The following COPZ1 variants were observed in gnomAD, a reference collection of about 807,000 sequenced individuals.
COPZ1 encodes coatomer subunit zeta-1.
In COPZ1, 4 loss-of-function variants were observed where a neutral mutation model predicts 31.7. The observed-to-expected ratio is 0.13, with a 90% CI of 0.06 to 0.29. The LOEUF (loss-of-function observed/expected upper bound fraction) is 0.29. Among genes scored for constraint, COPZ1 ranks in the 10% least tolerant of loss-of-function variants. The probability of loss-of-function intolerance (pLI) is 1.00; values close to 1 mark genes in which losing one functional copy is unlikely to be tolerated. For synonymous variants in COPZ1, 74 were observed against 79.0 expected (o/e 0.94, Z 0.33); for missense variants, 156 against 211.5 (o/e 0.74, Z 1.63).
At chr12:54,340,641 A>G in intron 2 of COPZ1, 26 bp downstream of exon 2, 1 of 1,610,030 alleles carries the variant, frequency 6.2e-7, no homozygotes, top group South Asian at 1.1e-5. Flanking sequence ...GAATTAGTTT[A>G]GGAACAGCAC....
In COPZ1 at chr12:54,326,235, G is replaced by A. The variant is rs557055686; in HGVS notation, c.18+1054G>A. Among the ~76,000 whole-genome samples the A allele has an allele frequency of 5.5e-3, 832 of 150,078 alleles. 9 individuals are homozygous for A. Among genetic ancestry groups the A allele is most frequent in the Non-Finnish European group, 6.9e-3 (466 of 67,724 alleles). On this transcript the variant is annotated intron_variant, in intron 1 of 8. Transcript: ENST00000262061. ...GCTCACTGCAAGCTCCGCCTCCCGG[G>A]TTCACGCCATTCTTCTGCCTCAGCC...
chr12:54,328,299 C>T (rs1241570739), intron 1 of COPZ1, among the ~76,000 whole-genome samples: 4 of 146,302 alleles, frequency 2.7e-5, no homozygotes, highest in East Asian at 2.0e-4. Flanking sequence ...AGGCCGGGCA[C>T]GGTGGCTCAC....
chr12:54,334,293 C>T (rs1455312761), intron 1 of COPZ1, among the ~76,000 whole-genome samples: 3 of 151,628 alleles, frequency 2.0e-5, no homozygotes, highest in East Asian at 1.9e-4. Context: ...TGGTGGGAAG[C>T]GCCTGTAATC....
chr12:54,345,626 G>A, intron 5 of COPZ1, 111 bp downstream of exon 5: 1 of 870,254 alleles, frequency 1.1e-6, no homozygotes, highest in East Asian at 2.6e-5. Context: ...GGGATTGTAG[G>A]GGATTGGCAA....
chr12:54,329,366 C>T (rs373571750), intron 1 of COPZ1, among the ~76,000 whole-genome samples: 3 of 152,036 alleles, frequency 2.0e-5, no homozygotes, highest in African/African-American at 7.3e-5. Flanking sequence ...AGTGGATCAC[C>T]TGAGGTCAGG....
intron 4 of COPZ1, chr12:54,344,586 AAAC>A (rs999826703): frequency 8.6e-5 from 13 of 151,848 alleles, no homozygotes; most frequent in East Asian, 2.0e-4. Context: ...TCAAACAAAC[AAAC>A]AACAACAACA....
At chr12:54,327,296 GTT>G (rs79015590) in intron 1 of COPZ1, among the ~76,000 whole-genome samples, 9 of 118,646 alleles carry the variant, frequency 7.6e-5, no homozygotes, top group Admixed American at 8.8e-5. Context: ...CAGTTAGCAA[GTT>G]TTTTTTTTTT....
chr12:54,338,089 CTA>C (rs1953905139), intron 1 of COPZ1, among the ~76,000 whole-genome samples: 4 of 152,300 alleles, frequency 2.6e-5, no homozygotes, highest in Admixed American at 2.6e-4. Flanking sequence ...ATGCCAAACT[CTA>C]TGGCTGCAAG....
chr12:54,348,182 AT>A (rs1954096147), intron 7 of COPZ1, 131 bp downstream of exon 7: 2 of 750,812 alleles, frequency 2.7e-6, no homozygotes, highest in Non-Finnish European at 4.5e-6. Context: ...TTTCAAATAC[AT>A]TCAGCCTTTC....
chr12:54,346,555 G>A (rs1165268951), intron 5 of COPZ1: 1 of 695,634 alleles, frequency 1.4e-6, no homozygotes, highest in South Asian at 1.5e-5. Flanking sequence ...TTATAGGCAT[G>A]AGCCACTTAG....
chr12:54,325,411 C>A, intron 1 of COPZ1: 1 of 587,764 alleles, frequency 1.7e-6, no homozygotes, highest in Non-Finnish European at 3.0e-6. Flanking sequence ...TTGAAGGCAG[C>A]ACATGGACTC....
At chr12:54,345,602 A>G in intron 5 of COPZ1, 87 bp downstream of exon 5, 1 of 1,047,884 alleles carries the variant, frequency 9.5e-7, no homozygotes, top group Non-Finnish European at 1.5e-6. Context: ...TAAAGTAACC[A>G]TTCTTCAGGC....
chr12:54,346,741 A>C, intron 5 of COPZ1: 1 of 682,622 alleles, frequency 1.5e-6, no homozygotes, highest in Non-Finnish European at 2.7e-6. Flanking sequence ...CTGTAGTCTC[A>C]GCTACTTGGG....
chr12:54,341,637 C>T (rs950748987), intron 2 of COPZ1, among the ~76,000 whole-genome samples: 10 of 152,226 alleles, frequency 6.6e-5, no homozygotes, highest in African/African-American at 1.9e-4. Flanking sequence ...CCTGCATCTC[C>T]GCCCCCTTTG....
At chr12:54,348,175 C>A (rs1954095785) in intron 7 of COPZ1, 124 bp downstream of exon 7, 2 of 775,276 alleles carry the variant, frequency 2.6e-6, no homozygotes, top group South Asian at 3.2e-5. Context: ...CTTTTTCTTT[C>A]AAATACATTC....
At chr12:54,337,491 C>T (rs1385336389) in intron 1 of COPZ1, among the ~76,000 whole-genome samples, 2 of 152,180 alleles carry the variant, frequency 1.3e-5, no homozygotes, top group African/African-American at 4.8e-5. Context: ...ATAAACTTGC[C>T]CTTTGCAAAA....
intron 1 of COPZ1, among the ~76,000 whole-genome samples, chr12:54,332,411 G>A (rs1005918080): frequency 4.6e-5 from 7 of 151,896 alleles, no homozygotes; most frequent in African/African-American, 1.5e-4. Context: ...TCTTTGTCCT[G>A]CCCATTTCAC....
chr12:54,335,754 C>T (rs1953851330), intron 1 of COPZ1, among the ~76,000 whole-genome samples: 1 of 151,894 alleles, frequency 6.6e-6, no homozygotes, highest in Non-Finnish European at 1.5e-5. Flanking sequence ...TCACTACAGC[C>T]TTGAACTCCC....
chr12:54,343,966 C>G (rs1954016787), intron 4 of COPZ1, among the ~76,000 whole-genome samples: 1 of 152,134 alleles, frequency 6.6e-6, no homozygotes, highest in Non-Finnish European at 1.5e-5. Context: ...CTTTGTTTTA[C>G]AAATGAGGAA....
Sources: allele counts gnomAD v4.1 joint callset (sites outside exome capture counted in the v4.1 genomes callset), GRCh38; gene constraint gnomAD v4.1.1; transcripts MANE v1.5; gene names NCBI Gene and HGNC (gene_info 2026-07-23, HGNC 2026-07-21).